The following INPP4B variants were observed in gnomAD, a reference collection of about 807,000 sequenced individuals.
INPP4B encodes inositol polyphosphate-4-phosphatase type II B, also known as inositol polyphosphate 4-phosphatase type II.
Under a neutral mutation model 122.5 loss-of-function variants are expected in INPP4B, and 55 were observed. That is an observed-to-expected ratio of 0.45 (90% CI 0.36 to 0.56). The LOEUF (loss-of-function observed/expected upper bound fraction) is 0.56, where lower values mean the gene tolerates loss of function less well. INPP4B is among the 20% of genes least tolerant of loss of function. INPP4B has a pLI of 0.00. For missense variants in INPP4B, 1,000 were observed against 1,097.7 expected, an observed-to-expected ratio of 0.91 and a Z score of 1.26; for synonymous variants, 403 against 388.7, an observed-to-expected ratio of 1.04 and a Z score of -0.43.
chr4:142,518,450 T>C (rs184599950), intron 2 of INPP4B, among the ~76,000 whole-genome samples: 18 of 152,272 alleles, frequency 1.2e-4, no homozygotes, highest in Admixed American at 1.1e-3. Flanking sequence ...ATAATTAAGA[T>C]ACAGCAGTTC....
At chr4:142,612,955 C>T (rs1282583971) in intron 2 of INPP4B, among the ~76,000 whole-genome samples, 1 of 152,072 alleles carries the variant, frequency 6.6e-6, no homozygotes, top group Non-Finnish European at 1.5e-5. Flanking sequence ...AAGTTTTGGC[C>T]CCTATATGCA....
chr4:142,712,484 T>C (rs182616944), intron 2 of INPP4B, among the ~76,000 whole-genome samples: 127 of 152,346 alleles, frequency 8.3e-4, no homozygotes, highest in Non-Finnish European at 1.5e-3. Flanking sequence ...CCTTTTAATC[T>C]ACTCCATCAC....
At chr4:142,587,574 A>G (rs1042395083) in intron 2 of INPP4B, among the ~76,000 whole-genome samples, 7 of 152,120 alleles carry the variant, frequency 4.6e-5, no homozygotes, top group African/African-American at 1.7e-4. Context: ...ATGTGTATAT[A>G]CTTATGGGTT....
chr4:142,266,616 TG>T (rs1302416061), intron 10 of INPP4B, among the ~76,000 whole-genome samples: 1 of 152,176 alleles, frequency 6.6e-6, no homozygotes, highest in Non-Finnish European at 1.5e-5. Context: ...AATTTTTTAA[TG>T]TTCATTTATA....
chr4:142,669,242 C>T (rs753210914), intron 2 of INPP4B, among the ~76,000 whole-genome samples: 110 of 151,882 alleles, frequency 7.2e-4, no homozygotes, highest in Admixed American at 2.1e-3. Flanking sequence ...CTCATAGTAC[C>T]CAAAAGATCT....
At position 142,403,046 on chromosome 4, in the gene INPP4B, C is replaced by T. The variant is rs140794383; in HGVS notation, c.264G>A (p.Arg88=). ...YSSTEIVEGT[R]DPLFLTGVTF... The stretch of plus-strand genomic sequence containing the variant: ...TGACACCAGTCAAAAACAGTGGGTC[C>T]CTTGTTCCCTGTAACAGCACAAGCA... Residue 88 remains arginine (R), a synonymous_variant, in exon 7 of 26, where the codon AGG becomes AGA. Transcript: ENST00000262992. 188 of 1,593,556 alleles carry T rather than the reference C, an allele frequency of 1.2e-4. No individual in the cohort carries two copies. The African/African-American group carries it at 1.8e-3, about 15-fold the overall frequency.
chr4:142,632,216 C>T (rs991293312), intron 2 of INPP4B, among the ~76,000 whole-genome samples: 3 of 152,068 alleles, frequency 2.0e-5, no homozygotes, highest in Non-Finnish European at 4.4e-5. Context: ...CATGGGGTCA[C>T]CTTTGTTTTC....
intron 17 of INPP4B, among the ~76,000 whole-genome samples, chr4:142,159,830 T>A (rs887369029): frequency 2.6e-5 from 4 of 152,138 alleles, no homozygotes; most frequent in Non-Finnish European, 5.9e-5. Context: ...TATCATTTTA[T>A]GAGGCCATTC....
intron 11 of INPP4B, among the ~76,000 whole-genome samples, chr4:142,238,220 A>T (rs926603090): frequency 6.6e-6 from 1 of 151,946 alleles, no homozygotes; most frequent in African/African-American, 2.4e-5. Flanking sequence ...TTTTATTTTG[A>T]CATCTTATTT....
intron 9 of INPP4B, among the ~76,000 whole-genome samples, chr4:142,286,223 C>T (rs546126407): frequency 3.4e-4 from 52 of 152,246 alleles, no homozygotes; most frequent in African/African-American, 1.2e-3. Context: ...ATAAAGTACA[C>T]GGGAAAGCCA....
At chr4:142,666,416 G>A (rs1357535571) in intron 2 of INPP4B, among the ~76,000 whole-genome samples, 2 of 151,994 alleles carry the variant, frequency 1.3e-5, no homozygotes, top group Non-Finnish European at 2.9e-5. Flanking sequence ...AAAGTAATCA[G>A]AGATAAAGCT....
At chr4:142,349,633 A>T (rs1781345411) in intron 7 of INPP4B, among the ~76,000 whole-genome samples, 1 of 152,018 alleles carries the variant, frequency 6.6e-6, no homozygotes, top group Non-Finnish European at 1.5e-5. Context: ...ATATTTTATG[A>T]AGATTTCCTA....
intron 2 of INPP4B, among the ~76,000 whole-genome samples, chr4:142,618,906 A>ATAAATAAC (rs1184229193): frequency 6.7e-6 from 1 of 148,760 alleles, no homozygotes. Flanking sequence ...AATAAATAAC[A>ATAAATAAC]GCCAAATAAA....
chr4:142,446,246 T>C (rs1255450176), intron 3 of INPP4B, among the ~76,000 whole-genome samples: 1 of 151,704 alleles, frequency 6.6e-6, no homozygotes, highest in Non-Finnish European at 1.5e-5. Flanking sequence ...ACTATCAATA[T>C]ATAAAAACAA....
chr4:142,036,725 C>T (rs1375792082), intron 25 of INPP4B, among the ~76,000 whole-genome samples: 2 of 152,120 alleles, frequency 1.3e-5, no homozygotes, highest in African/African-American at 2.4e-5. Context: ...ACTTCCATCT[C>T]TGGAAATCAG....
intron 2 of INPP4B, among the ~76,000 whole-genome samples, chr4:142,648,559 A>C (rs1341404845): frequency 6.6e-6 from 1 of 152,214 alleles, no homozygotes; most frequent in African/African-American, 2.4e-5. Context: ...ACGAAACCTT[A>C]ATCACTGCCA....
chr4:142,633,728 A>G (rs913698362), intron 2 of INPP4B, among the ~76,000 whole-genome samples: 2 of 152,176 alleles, frequency 1.3e-5, no homozygotes, highest in African/African-American at 4.8e-5. Flanking sequence ...ACAGGAGAAA[A>G]CACATTAGAG....
chr4:142,684,238 G>A (rs1300389032), intron 2 of INPP4B, among the ~76,000 whole-genome samples: 1 of 152,030 alleles, frequency 6.6e-6, no homozygotes, highest in Non-Finnish European at 1.5e-5. Flanking sequence ...AAGATATTTA[G>A]TGGGTTTTAT....
At chr4:142,471,714 T>C (rs940882342) in intron 2 of INPP4B, among the ~76,000 whole-genome samples, 7 of 152,132 alleles carry the variant, frequency 4.6e-5, no homozygotes, top group African/African-American at 1.7e-4. Context: ...TGAGATTTCT[T>C]TGGAGCAGTG....
Sources: allele counts gnomAD v4.1 joint callset (sites outside exome capture counted in the v4.1 genomes callset), GRCh38; gene constraint gnomAD v4.1.1; transcripts MANE v1.5; gene names NCBI Gene and HGNC (gene_info 2026-07-23, HGNC 2026-07-21).